Variants in CPS1 observed in about 807,000 individuals in gnomAD.
CPS1 encodes carbamoyl-phosphate synthase [ammonia], mitochondrial.
A neutral mutation model predicts 174.6 loss-of-function variants in CPS1; 109 were observed. The observed-to-expected ratio is 0.62, with a 90% CI of 0.53 to 0.73. The LOEUF is 0.73. CPS1 is among the 30% of genes least tolerant of loss of function. The probability of loss-of-function intolerance (pLI) is 0.00; values close to 1 mark genes in which losing one functional copy is unlikely to be tolerated. For missense variants in CPS1, 1,689 were observed against 1,821.9 expected (o/e 0.93, Z 1.33); for synonymous variants, 637 against 632.0 (o/e 1.01, Z -0.12).
chr2:210,581,221 C>A (rs1295112833), intron 5 of CPS1, among the ~76,000 whole-genome samples: 1 of 152,088 alleles, frequency 6.6e-6, no homozygotes, highest in Non-Finnish European at 1.5e-5. Flanking sequence ...TTGGGAAAAT[C>A]AATTCAGATG....
intron 29 of CPS1, among the ~76,000 whole-genome samples, chr2:210,656,275 T>C (rs1029339732): frequency 2.0e-5 from 3 of 152,198 alleles, no homozygotes; most frequent in Non-Finnish European, 2.9e-5. Context: ...ACTCTTTTCC[T>C]ATTACTTATA....
chr2:210,603,735 A>G (rs1470454145), intron 16 of CPS1, among the ~76,000 whole-genome samples: 4 of 151,802 alleles, frequency 2.6e-5, no homozygotes, highest in African/African-American at 7.3e-5. Flanking sequence ...CAAATAATCA[A>G]TAGTCCCTTA....
intron 15 of CPS1, 105 bp downstream of exon 15, chr2:210,600,817 A>C: frequency 7.9e-7 from 1 of 1,259,112 alleles, no homozygotes; most frequent in Non-Finnish European, 1.1e-6. Flanking sequence ...TTATACTTGC[A>C]TGCATTTTCT....
chr2:210,589,244 T>A (rs1452460678), intron 7 of CPS1, among the ~76,000 whole-genome samples: 1 of 152,046 alleles, frequency 6.6e-6, no homozygotes, highest in Non-Finnish European at 1.5e-5. Flanking sequence ...TGATGTCACT[T>A]CCTCTCTGTT....
Position 210,590,834 on chromosome 2 carries a change from G to C in CPS1, c.875G>C (p.Gly292Ala), listed in dbSNP as rs746589282. Residue 292 changes from glycine to alanine, a missense_variant, in exon 9 of 38, where the codon GGA becomes GCA. Coordinates refer to ENST00000233072, the MANE Select transcript of CPS1 (RefSeq NM_001875.5). ...LESDRKEPLF[G>A]ISTGNLITGL... is the part of the protein sequence containing the mutation. ...AGTGATCGCAAGGAGCCATTGTTTG[G>C]AATCAGTACAGGAAACTTAATAACA... The C allele has an allele frequency of 3.1e-6, 5 of 1,611,098 alleles. No homozygotes were observed. The highest frequency in any genetic ancestry group is 4.2e-6 in the Non-Finnish European group (5 of 1,178,144).
chr2:210,597,014 T>C (rs1698505711), intron 13 of CPS1, among the ~76,000 whole-genome samples: 1 of 151,878 alleles, frequency 6.6e-6, no homozygotes, highest in African/African-American at 2.4e-5. Flanking sequence ...CAATAAGGTT[T>C]AAAATAAATG....
At chr2:210,652,815 G>T (rs535901190) in intron 28 of CPS1, among the ~76,000 whole-genome samples, 1 of 152,250 alleles carries the variant, frequency 6.6e-6, no homozygotes, top group East Asian at 1.9e-4. Flanking sequence ...TTTAATGGAA[G>T]ATTTGAGAAT....
intron 1 of CPS1, among the ~76,000 whole-genome samples, chr2:210,506,858 C>G (rs1695301962): frequency 6.6e-6 from 1 of 152,148 alleles, no homozygotes; most frequent in Non-Finnish European, 1.5e-5. Flanking sequence ...ACAAAGCCTC[C>G]AAGAAATATG....
chr2:210,535,987 G>T (rs895706748), intron 1 of CPS1, among the ~76,000 whole-genome samples: 1 of 152,038 alleles, frequency 6.6e-6, no homozygotes, highest in Admixed American at 6.6e-5. Context: ...TCATTTCTCA[G>T]ATGAGAAAAC....
intron 1 of CPS1, among the ~76,000 whole-genome samples, chr2:210,501,748 A>G (rs1302816298): frequency 6.6e-6 from 1 of 152,130 alleles, no homozygotes; most frequent in Non-Finnish European, 1.5e-5. Context: ...GGAAGTTCCA[A>G]ACTTTCTCAC....
chr2:210,574,217 C>T (rs1697610632), intron 2 of CPS1, among the ~76,000 whole-genome samples: 2 of 151,996 alleles, frequency 1.3e-5, no homozygotes, highest in South Asian at 4.1e-4. Context: ...TACTAATTTA[C>T]AGCTGGGGAT....
At chr2:210,486,422 C>A (rs1204971944) in intron 1 of CPS1, among the ~76,000 whole-genome samples, 1 of 152,030 alleles carries the variant, frequency 6.6e-6, no homozygotes, top group Non-Finnish European at 1.5e-5. Context: ...TGCCCAACAC[C>A]CTTGCTTCAA....
At chr2:210,621,549 A>G (rs1699528543) in intron 21 of CPS1, among the ~76,000 whole-genome samples, 1 of 152,098 alleles carries the variant, frequency 6.6e-6, no homozygotes, top group Admixed American at 6.6e-5. Context: ...CCCATGTAGT[A>G]TTTTAATAAA....
chr2:210,676,559 T>C (rs1701543105), intron 36 of CPS1, among the ~76,000 whole-genome samples: 1 of 152,210 alleles, frequency 6.6e-6, no homozygotes, highest in Non-Finnish European at 1.5e-5. Context: ...AATGGCATTG[T>C]GTTCAAACCT....
intron 30 of CPS1, 22 bp from the exon 31 acceptor site, chr2:210,658,577 A>G: frequency 6.2e-7 from 1 of 1,602,478 alleles, no homozygotes; most frequent in Non-Finnish European, 8.6e-7. Flanking sequence ...AGCACACTAT[A>G]CGATTATGCT....
At chr2:210,495,331 A>G (rs1178937802) in intron 1 of CPS1, among the ~76,000 whole-genome samples, 1 of 152,150 alleles carries the variant, frequency 6.6e-6, no homozygotes, top group Non-Finnish European at 1.5e-5. Flanking sequence ...GTGGTGCGGC[A>G]TGCTTCGAGA....
At position 210,647,971 on chromosome 2, in the gene CPS1, G is replaced by C. The variant is rs777363145; in HGVS notation, c.3250G>C (p.Asp1084His). The change falls in exon 26 of 38, where the codon GAC becomes CAC. Residue 1084 changes from aspartate (D) to histidine (H), a missense_variant. Asp to His is a moderately conservative substitution (Grantham distance 81, BLOSUM62 -1). Transcript: ENST00000233072. The stretch of plus-strand genomic sequence containing the variant: ...CATGGGCACAAGCCCCCTGCAGATC[G>C]ACAGGGCTGAGGATCGCTCCATCTT... ...KIMGTSPLQI[D>H]RAEDRSIFSA... 1 of 1,614,034 alleles carries C rather than the reference G, an allele frequency of 6.2e-7. No homozygotes were observed. The highest frequency in any genetic ancestry group is 8.5e-7 in the Non-Finnish European group (1 of 1,179,952).
intron 33 of CPS1, among the ~76,000 whole-genome samples, chr2:210,666,022 C>T (rs1289618796): frequency 6.6e-6 from 1 of 151,020 alleles, no homozygotes; most frequent in East Asian, 1.9e-4. Flanking sequence ...GCCATTCTAA[C>T]TGGTGTGAGA....
chr2:210,485,528 A>G lies in CPS1; in HGVS notation c.3+7762A>G, dbSNP rs1694692146. Among the ~76,000 whole-genome samples, 3 of 152,158 alleles carry G rather than the reference A, an allele frequency of 2.0e-5. No individual in the cohort carries two copies. The South Asian group carries it at 6.2e-4, about 32-fold the overall frequency. On this transcript the variant is annotated intron_variant, in intron 1 of 38. Coordinates refer to the CPS1 transcript ENST00000430249. ...TTTTCTAGAATTTTGAATAAGTAGA[A>G]TTTTATAGTATGTAATTCTGATTTT...
Sources: gnomAD v4.1 joint callset for allele counts (sites outside exome capture counted in the v4.1 genomes callset) on GRCh38, gnomAD v4.1.1 for gene constraint, MANE v1.5 for transcripts, NCBI Gene and HGNC (gene_info 2026-07-23, HGNC 2026-07-21) for gene names.